CDH23: variants seen among roughly 807,000 people sequenced by gnomAD.
The protein encoded by CDH23 is cadherin-23.
Under a neutral mutation model 317.1 loss-of-function variants are expected in CDH23, and 189 were observed. The ratio of observed to expected loss-of-function variants is 0.60; its 90% CI spans 0.53 to 0.67. CDH23 has a LOEUF of 0.67. Ranked by LOEUF, CDH23 falls within the 30% of genes least tolerant of loss-of-function variation. CDH23 has a pLI of 0.00. For missense variants in CDH23, 4,401 were observed against 4,592.4 expected, an observed-to-expected ratio of 0.96 and a Z score of 1.20; for synonymous variants, 1,839 against 1,876.8, an observed-to-expected ratio of 0.98 and a Z score of 0.52.
At chr10:71,611,162 C>A (rs1354560747) in intron 9 of CDH23, among the ~76,000 whole-genome samples, 1 of 151,620 alleles carries the variant, frequency 6.6e-6, no homozygotes, top group Non-Finnish European at 1.5e-5. Flanking sequence ...GAGAAACTTG[C>A]ATGTGTGGCT....
At chr10:71,433,287 A>G (rs944376281) in intron 1 of CDH23, among the ~76,000 whole-genome samples, 1 of 152,092 alleles carries the variant, frequency 6.6e-6, no homozygotes, top group African/African-American at 2.4e-5. Flanking sequence ...TTGGGTATCT[A>G]TCATAAGTTA....
At chr10:71,403,077 G>A (rs191662932) in intron 1 of CDH23, among the ~76,000 whole-genome samples, 7 of 152,176 alleles carry the variant, frequency 4.6e-5, no homozygotes, top group Admixed American at 3.3e-4. Flanking sequence ...AGCCGAGATC[G>A]CGCCACTGCA....
At chr10:71,593,020 G>A (rs75621281) in intron 9 of CDH23, among the ~76,000 whole-genome samples, 13,151 of 152,294 alleles carry the variant, frequency 0.086, 759 homozygotes, top group East Asian at 0.19. Flanking sequence ...ACCACAAGCC[G>A]TGGGAGCTGG....
intron 27 of CDH23, chr10:71,712,002 G>A (rs1348777026): frequency 2.0e-5 from 3 of 152,256 alleles, no homozygotes; most frequent in African/African-American, 7.2e-5. Flanking sequence ...CTCAAGGCCA[G>A]AAGTTAGAAA....
intron 69 of CDH23, among the ~76,000 whole-genome samples, chr10:71,814,609 A>G (rs931549338): frequency 1.6e-4 from 25 of 152,078 alleles, no homozygotes. Context: ...CAGTGAGCCA[A>G]AATCGCGCCA....
intron 38 of CDH23, among the ~76,000 whole-genome samples, chr10:71,760,218 T>C (rs1438715839): frequency 3.6e-5 from 2 of 54,890 alleles, no homozygotes; most frequent in Admixed American, 3.6e-4. Context: ...TGTGTATATA[T>C]GTGTATATAT....
intron 9 of CDH23, among the ~76,000 whole-genome samples, chr10:71,602,556 G>T (rs937219536): frequency 6.6e-6 from 1 of 152,156 alleles, no homozygotes; most frequent in African/African-American, 2.4e-5. Context: ...GGGGGAGGCT[G>T]GACCCTGGGC....
intron 1 of CDH23, among the ~76,000 whole-genome samples, chr10:71,430,183 G>C (rs933665105): frequency 6.6e-6 from 1 of 152,104 alleles, no homozygotes; most frequent in Admixed American, 6.5e-5. Context: ...TCCCCTGCTG[G>C]TGAGCCAGGG....
intron 14 of CDH23, among the ~76,000 whole-genome samples, chr10:71,659,720 C>T (rs891700009): frequency 2.6e-5 from 4 of 152,178 alleles, no homozygotes; most frequent in Non-Finnish European, 4.4e-5. Context: ...TAACCATGAA[C>T]GACTAGATTG....
At chr10:71,502,090 C>T (rs1213961501) in intron 3 of CDH23, among the ~76,000 whole-genome samples, 3 of 152,148 alleles carry the variant, frequency 2.0e-5, no homozygotes, top group African/African-American at 7.2e-5. Flanking sequence ...GAGAAGGGGG[C>T]TTTGTCTGTT....
intron 14 of CDH23, chr10:71,647,166 G>T: frequency 2.3e-6 from 2 of 886,534 alleles, no homozygotes; most frequent in Non-Finnish European, 2.7e-6. Context: ...TAACTCAAAA[G>T]TATAAGTGAT....
At chr10:71,810,380 G>T in intron 61 of CDH23, 92 bp from the exon 62 acceptor site, 1 of 1,177,864 alleles carries the variant, frequency 8.5e-7, no homozygotes, top group Non-Finnish European at 1.3e-6. Context: ...CTATTTGCAG[G>T]GAAGGGCAGA....
At chr10:71,622,822 C>T (rs1479562448) in intron 11 of CDH23, 4 of 422,148 alleles carry the variant, frequency 9.5e-6, no homozygotes, top group Non-Finnish European at 1.3e-5. Context: ...GGAGAGGGAT[C>T]GGGGTAGGGA....
Position 71,732,208 on chromosome 10 carries a change from T to G in CDH23, c.3937T>G (p.Phe1313Val). Residue 1313 changes from phenylalanine (F) to valine (V), a missense_variant, in exon 32 of 70, where the codon TTC (phenylalanine) becomes GTC (valine). Physicochemically the swap from Phe to Val is conservative, Grantham distance 50. Coordinates refer to ENST00000224721, the MANE Select transcript of CDH23 (RefSeq NM_022124.6). ...CAACGAGCTGGACGAGGCCGTGCAG[T>G]TCTCCAATGCCTCATACGAGGCTGC... is the stretch of plus-strand genomic sequence containing the variant. ...LLNELDEAVQ[F>V]SNASYEAAIL... 1 of 1,613,752 alleles carries G rather than the reference T, an allele frequency of 6.2e-7. No individual in the cohort carries two copies. Among genetic ancestry groups the G allele is most frequent in the Non-Finnish European group, 8.5e-7 (1 of 1,179,770 alleles).
chr10:71,491,587 C>T (rs149799139), intron 3 of CDH23, among the ~76,000 whole-genome samples: 8 of 152,298 alleles, frequency 5.3e-5, no homozygotes, highest in East Asian at 3.9e-4. Flanking sequence ...CCATACTCTA[C>T]GCCCTTCATT....
chr10:71,676,739 C>T (rs1245675776), intron 15 of CDH23, among the ~76,000 whole-genome samples: 3 of 152,206 alleles, frequency 2.0e-5, no homozygotes, highest in South Asian at 4.1e-4. Flanking sequence ...ACAGGGAGCC[C>T]TTTCCCCAGG....
chr10:71,624,124 C>T (rs1490938245), intron 11 of CDH23, among the ~76,000 whole-genome samples: 4 of 152,186 alleles, frequency 2.6e-5, no homozygotes, highest in Non-Finnish European at 4.4e-5. Context: ...CTTCCCCCTG[C>T]CCACTGACCC....
intron 15 of CDH23, among the ~76,000 whole-genome samples, chr10:71,677,009 C>T (rs1293832690): frequency 6.6e-6 from 1 of 152,214 alleles, no homozygotes; most frequent in African/African-American, 2.4e-5. Context: ...ACTCAAGGCT[C>T]ATTTCCTCAA....
chr10:71,769,060 C>A (rs1334200698), intron 38 of CDH23, among the ~76,000 whole-genome samples: 4 of 152,142 alleles, frequency 2.6e-5, no homozygotes, highest in Non-Finnish European at 4.4e-5. Flanking sequence ...ATGTCATGAC[C>A]AATGAAAGCC....
Sources: gnomAD v4.1 joint callset for allele counts (sites outside exome capture counted in the v4.1 genomes callset) on GRCh38, gnomAD v4.1.1 for gene constraint, MANE v1.5 for transcripts, NCBI Gene and HGNC (gene_info 2026-07-23, HGNC 2026-07-21) for gene names.